PIK3CD: variants seen among roughly 807,000 people sequenced by gnomAD.
PIK3CD encodes the protein phosphatidylinositol-4,5-bisphosphate 3-kinase catalytic subunit delta, also known as phosphatidylinositol 4,5-bisphosphate 3-kinase catalytic subunit delta isoform.
Under a neutral mutation model 122.9 loss-of-function variants are expected in PIK3CD, and 20 were observed. The ratio of observed to expected loss-of-function variants is 0.16; its 90% CI spans 0.11 to 0.24. The LOEUF (loss-of-function observed/expected upper bound fraction) is 0.24. Ranked by LOEUF, PIK3CD falls within the 10% of genes least tolerant of loss-of-function variation. The pLI, the probability that PIK3CD is intolerant of heterozygous loss-of-function variation, is 1.00. For synonymous variants in PIK3CD, 596 were observed against 593.4 expected (o/e 1.00, Z -0.06); for missense variants, 787 against 1,406.3 (o/e 0.56, Z 7.04).
At chr1:9,644,384 G>A in the PIK3CD span, among the ~76,000 whole-genome samples, 3 of 151,980 alleles carry the variant, frequency 2.0e-5, no homozygotes, top group African/African-American at 7.3e-5. Flanking sequence ...CGTGGTGGTG[G>A]GCGCCTGTAG....
intron 23 of PIK3CD, among the ~76,000 whole-genome samples, chr1:9,726,225 T>C (rs1454840248): frequency 1.4e-5 from 2 of 147,574 alleles, no homozygotes; most frequent in African/African-American, 5.1e-5. Context: ...AAAGAAAAAA[T>C]TGGCCGGGCA....
intron 1 of PIK3CD, among the ~76,000 whole-genome samples, chr1:9,686,277 C>T (rs1404073018): frequency 3.3e-5 from 5 of 151,978 alleles, no homozygotes; most frequent in African/African-American, 7.3e-5. Flanking sequence ...CATAGCTCAC[C>T]GCAGACTTCT....
chr1:9,703,829 C>T (rs1646737740), intron 2 of PIK3CD, among the ~76,000 whole-genome samples: 1 of 152,120 alleles, frequency 6.6e-6, no homozygotes, highest in Non-Finnish European at 1.5e-5. Context: ...ACACTCTTGC[C>T]CGTGTCTTTT....
At chr1:9,679,051 A>G (rs1423948083) in intron 1 of PIK3CD, among the ~76,000 whole-genome samples, 2 of 143,824 alleles carry the variant, frequency 1.4e-5, no homozygotes, top group Non-Finnish European at 3.0e-5. Flanking sequence ...CTTTCCGGGT[A>G]GTCAGGAGAA....
At chr1:9,676,750 GCTGC>G (rs1479810547) in intron 1 of PIK3CD, among the ~76,000 whole-genome samples, 1 of 152,178 alleles carries the variant, frequency 6.6e-6, no homozygotes, top group East Asian at 1.9e-4. Context: ...AAACTGAATG[GCTGC>G]CTTCGGGGCT....
chr1:9,705,323 C>CAAAAAAAAAAAA (rs563873650), intron 2 of PIK3CD, among the ~76,000 whole-genome samples: 1 of 57,524 alleles, frequency 1.7e-5, no homozygotes, highest in East Asian at 4.3e-4. Flanking sequence ...TTAAAAATAC[C>CAAAAAAAAAAAA]AAAAAAAAAA....
the PIK3CD span, among the ~76,000 whole-genome samples, chr1:9,635,637 G>A: frequency 6.6e-6 from 1 of 152,230 alleles, no homozygotes; most frequent in Non-Finnish European, 1.5e-5. Flanking sequence ...ACACCTGACT[G>A]GAGACTGCTG....
At position 9,727,749 on chromosome 1, in the gene PIK3CD, G is replaced by C. The variant is rs530139154; in HGVS notation, c.*703G>C. 3.2e-4 allele frequency: 67 copies of C among 209,184 alleles called. No individual in the cohort carries two copies. The highest frequency in any genetic ancestry group is 5.5e-4 in the Non-Finnish European group (57 of 102,930). The allele number at this position is 209,184 out of a possible 1,614,324, so 13.0% of individuals were successfully genotyped here. A position where few individuals can be genotyped will look rare whatever the true frequency, so the allele number is the denominator to read the frequency against. On this transcript the variant is annotated 3_prime_UTR_variant, in exon 24 of 24. Transcript: ENST00000377346. ...ATCTGGGCCTCATGTAGCTCACCCC[G>C]GTCACGCATGAAGGCAAAAGCAGGT...
Position 9,689,536 on chromosome 1 carries a change from G to C in PIK3CD, c.-137-1931G>C. The stretch of plus-strand genomic sequence containing the variant: ...TGCCAGTAGTCCCAGCCCCGCCCCG[G>C]GCCGCGCCCCTCCGCCGAGCCCCGC... On this transcript the variant is annotated intron_variant, in intron 1 of 23. Coordinates refer to ENST00000377346, the MANE Select transcript of PIK3CD (RefSeq NM_005026.5). The surrounding 1 kb of genome is among the most constrained non-coding windows in gnomAD (Gnocchi z 6.1). Among the ~76,000 whole-genome samples the C allele has an allele frequency of 6.9e-6, 1 of 144,970 alleles. No homozygotes were observed. Among genetic ancestry groups the C allele is most frequent in the Non-Finnish European group, 1.5e-5 (1 of 65,436 alleles).
intron 1 of PIK3CD, among the ~76,000 whole-genome samples, chr1:9,656,259 A>T (rs545997098): frequency 6.6e-6 from 1 of 152,292 alleles, no homozygotes; most frequent in Admixed American, 6.5e-5. Context: ...GGGACCAGAA[A>T]TGGGGTGGAG....
Position 9,720,972 on chromosome 1 carries a change from C to T in PIK3CD, c.1689+63C>T. On this transcript the variant is annotated intron_variant, in intron 13 of 23. Coordinates refer to ENST00000377346, the MANE Select transcript of PIK3CD (RefSeq NM_005026.5). This position sits in a 1 kb window ranked among gnomAD's most constrained non-coding sequence, Gnocchi z 9.0. Reference sequence around the variant, plus strand: ...CAGACCACAGCCTCTGGCTACCCACCACCCTGACCCCGGCCAACCCCCACC... The same window carrying T: ...CAGACCACAGCCTCTGGCTACCCACTACCCTGACCCCGGCCAACCCCCACC... 6.6e-7 allele frequency: 1 copy of T among 1,516,936 alleles called. No individual in the cohort carries two copies. Among genetic ancestry groups the T allele is most frequent in the Non-Finnish European group, 8.9e-7 (1 of 1,122,852 alleles). 94.0% of individuals were successfully genotyped at this position (1,516,936 alleles called of 1,614,324 possible). A position where few individuals can be genotyped will look rare whatever the true frequency, so the allele number is the denominator to read the frequency against.
chr1:9,659,811 A>G (rs1186150571), intron 1 of PIK3CD, among the ~76,000 whole-genome samples: 1 of 152,030 alleles, frequency 6.6e-6, no homozygotes, highest in Non-Finnish European at 1.5e-5. Context: ...GTGCAGTGGC[A>G]TGATCTCAGC....
chr1:9,645,294 G>C, the PIK3CD span, among the ~76,000 whole-genome samples: 3,555 of 151,322 alleles, frequency 0.023, 115 homozygotes, highest in African/African-American at 0.071. Context: ...GCTGGGATTA[G>C]AGGCGTGAGC....
Position 9,720,266 on chromosome 1 carries a change from A to G in PIK3CD, c.1470+24A>G, listed in dbSNP as rs772764028. 1.8e-5 allele frequency: 28 copies of G among 1,596,064 alleles called. No homozygotes were observed. The highest frequency in any genetic ancestry group is 5.0e-5 in the Admixed American group (3 of 59,522). On this transcript the variant is annotated intron_variant, in intron 11 of 23. Coordinates refer to ENST00000377346, the MANE Select transcript of PIK3CD (RefSeq NM_005026.5). This position sits in a 1 kb window ranked among gnomAD's most constrained non-coding sequence, Gnocchi z 9.0. The stretch of plus-strand genomic sequence containing the variant: ...AGGTCAGTGGGGGCCCCGCCGCGTG[A>G]GGCTGAGGGGCTGGCGCGGAGCTCT...
At chr1:9,674,614 G>C (rs139022564) in intron 1 of PIK3CD, among the ~76,000 whole-genome samples, 3,835 of 151,108 alleles carry the variant, frequency 0.025, 74 homozygotes, top group South Asian at 0.047. Context: ...TGCTTGAACC[G>C]GAGAGGTGGA....
intron 5 of PIK3CD, 95 bp downstream of exon 5, chr1:9,716,173 C>A: frequency 9.3e-7 from 1 of 1,077,894 alleles, no homozygotes; most frequent in Non-Finnish European, 1.4e-6. Flanking sequence ...GCCCCCCTCC[C>A]CCAGTGGCAT....
the PIK3CD span, among the ~76,000 whole-genome samples, chr1:9,628,920 T>C: frequency 6.6e-6 from 1 of 151,256 alleles, no homozygotes; most frequent in Non-Finnish European, 1.5e-5. Flanking sequence ...GGTTGGGCGG[T>C]GGGAACTCCA....
At chr1:9,638,090 G>A in the PIK3CD span, among the ~76,000 whole-genome samples, 962 of 152,078 alleles carry the variant, frequency 6.3e-3, 10 homozygotes, top group African/African-American at 0.022. Flanking sequence ...CTGGGCAACA[G>A]AGCGAGACTC....
At chr1:9,642,318 G>T in the PIK3CD span, among the ~76,000 whole-genome samples, 3 of 151,350 alleles carry the variant, frequency 2.0e-5, no homozygotes, top group Non-Finnish European at 4.4e-5. Flanking sequence ...TCACCATGTT[G>T]CCCAGGCTGG....
Sources: allele counts gnomAD v4.1 joint callset (sites outside exome capture counted in the v4.1 genomes callset), GRCh38; gene constraint gnomAD v4.1.1; non-coding constraint Gnocchi (gnomAD v3.1); transcripts MANE v1.5; gene names NCBI Gene and HGNC (gene_info 2026-07-23, HGNC 2026-07-21).